Variants in INSR observed in about 807,000 individuals in gnomAD.
INSR encodes insulin receptor, also known as IR.
INSR carries 67 observed loss-of-function variants against 142.6 expected under a neutral mutation model. The ratio of observed to expected loss-of-function variants is 0.47; its 90% CI spans 0.39 to 0.58. The LOEUF (loss-of-function observed/expected upper bound fraction) is 0.58, where lower values mean the gene tolerates loss of function less well. INSR is among the 20% of genes least tolerant of loss of function. INSR has a pLI of 0.00. For synonymous variants in INSR, 756 were observed against 743.1 expected (o/e 1.02, Z -0.28); for missense variants, 1,248 against 1,833.2 (o/e 0.68, Z 5.83).
At chr19:7,137,285 C>T (rs1972954342) in intron 13 of INSR, among the ~76,000 whole-genome samples, 1 of 135,766 alleles carries the variant, frequency 7.4e-6, no homozygotes, top group South Asian at 2.5e-4. Context: ...AAAAAAAAAT[C>T]CCTCATGCCC....
At chr19:7,126,535 A>G in intron 16 of INSR, 49 bp downstream of exon 16, 2 of 1,471,030 alleles carry the variant, frequency 1.4e-6, no homozygotes, top group Non-Finnish European at 9.3e-7. Context: ...AGGCAAAGGA[A>G]GCTGATGAGT....
chr19:7,179,901 T>C (rs1182552787), intron 3 of INSR, among the ~76,000 whole-genome samples: 2 of 152,132 alleles, frequency 1.3e-5, no homozygotes, highest in Admixed American at 6.5e-5. Context: ...GGCTTGGCCA[T>C]ATGGCTTGCT....
At chr19:7,182,605 CT>C (rs1224517006) in intron 3 of INSR, among the ~76,000 whole-genome samples, 3 of 152,140 alleles carry the variant, frequency 2.0e-5, no homozygotes, top group Non-Finnish European at 4.4e-5. Context: ...ATGCACCCCC[CT>C]CTCCTTTGTT....
chr19:7,163,948 A>AAAAAAAAAAAAAAAAAAAAAAT lies in INSR; in HGVS notation c.1862-750_1862-749insATTTTTTTTTTTTTTTTTTTTT, dbSNP rs1411048837. Among the ~76,000 whole-genome samples, 41 of 136,068 alleles carry AAAAAAAAAAAAAAAAAAAAAAT rather than the reference A, an allele frequency of 3.0e-4. 3 individuals carry two copies. The highest frequency in any genetic ancestry group is 1.3e-3 in the African/African-American group (40 of 31,694). The allele number at this position is 136,068 out of a possible 152,430, so 89.3% of individuals were successfully genotyped here. A position where few individuals can be genotyped will look rare whatever the true frequency, so the allele number is the denominator to read the frequency against. ...ACTAAAAAAAAAAAAAAAAAAAAAA[A>AAAAAAAAAAAAAAAAAAAAAAT]ATTAGCTGGACATGGTGGTGGGCGC... is the stretch of plus-strand genomic sequence containing the variant. On this transcript the variant is annotated intron_variant, in intron 8 of 21. Coordinates refer to ENST00000302850, the MANE Select transcript of INSR (RefSeq NM_000208.4).
intron 1 of INSR, among the ~76,000 whole-genome samples, chr19:7,286,005 C>T (rs1396471284): frequency 6.6e-6 from 1 of 152,114 alleles, no homozygotes; most frequent in Non-Finnish European, 1.5e-5. Context: ...TGTTGTTACA[C>T]AGTCTCACTA....
intron 11 of INSR, among the ~76,000 whole-genome samples, chr19:7,149,947 AGGAAGGAAGGAAGG>A (rs2144881004): frequency 1.5e-4 from 1 of 6,614 alleles, no homozygotes; most frequent in South Asian, 7.9e-3. Context: ...GAAGGAAGGA[AGGAAGGAAGGAAGG>A]AAGGAAGGAA....
chr19:7,234,399 G>A (rs999195142), intron 2 of INSR, among the ~76,000 whole-genome samples: 3 of 151,990 alleles, frequency 2.0e-5, no homozygotes, highest in African/African-American at 4.8e-5. Context: ...TAGAGATGGG[G>A]GTCTCGCCAT....
chr19:7,148,954 C>T (rs1352500887), intron 11 of INSR, among the ~76,000 whole-genome samples: 1 of 149,986 alleles, frequency 6.7e-6, no homozygotes, highest in African/African-American at 2.5e-5. Context: ...GTCACCACGC[C>T]CGGCTAATTT....
chr19:7,190,989 T>C (rs62111416), intron 2 of INSR, among the ~76,000 whole-genome samples: 13,611 of 152,188 alleles, frequency 0.089, 649 homozygotes, highest in South Asian at 0.17. Context: ...TATACAATTA[T>C]TATTTGTCAA....
chr19:7,180,994 G>A (rs1163325583), intron 3 of INSR, among the ~76,000 whole-genome samples: 3 of 152,002 alleles, frequency 2.0e-5, no homozygotes, highest in African/African-American at 7.2e-5. Flanking sequence ...AGACTGCAGT[G>A]CAGTGGCACA....
At chr19:7,163,516 C>T (rs938051974) in intron 8 of INSR, among the ~76,000 whole-genome samples, 12 of 151,278 alleles carry the variant, frequency 7.9e-5, no homozygotes, top group South Asian at 4.2e-4. Context: ...GCCGAGATTG[C>T]GCCACTGCAC....
At chr19:7,240,790 C>CA (rs1248217330) in intron 2 of INSR, among the ~76,000 whole-genome samples, 1 of 152,000 alleles carries the variant, frequency 6.6e-6, no homozygotes, top group African/African-American at 2.4e-5. Context: ...GTTTCCCGCA[C>CA]AATATTACTG....
intron 2 of INSR, among the ~76,000 whole-genome samples, chr19:7,194,236 T>C (rs74875657): frequency 0.015 from 2,329 of 151,970 alleles, 60 homozygotes; most frequent in African/African-American, 0.053. Flanking sequence ...CTGGCCAACA[T>C]GGTGAAACAC....
Position 7,293,908 on chromosome 19 carries a change from G to A in INSR, c.-17C>T, listed in dbSNP as rs911979207. 6 of 1,208,430 alleles carry A rather than the reference G, an allele frequency of 5.0e-6. No homozygotes were observed. The Admixed American group carries it at 2.3e-4, about 46-fold the overall frequency. 74.9% of individuals were successfully genotyped at this position (1,208,430 alleles called of 1,614,324 possible). On this transcript the variant is annotated 5_prime_UTR_variant, in exon 1 of 22. Coordinates refer to ENST00000302850, the MANE Select transcript of INSR (RefSeq NM_000208.4). ...GGTGGCCATGGCTGCGGGAGCGCGGGGTCTCCTCGGATCAGAGCGCGCGGC... is the reference window on the plus strand; with the variant it reads ...GGTGGCCATGGCTGCGGGAGCGCGGAGTCTCCTCGGATCAGAGCGCGCGGC...
intron 14 of INSR, 136 bp downstream of exon 14, chr19:7,132,022 A>T: frequency 9.6e-7 from 1 of 1,046,828 alleles, no homozygotes; most frequent in Non-Finnish European, 1.5e-6. Context: ...GAGGGCAAGC[A>T]CCGCAGCAGC....
At chr19:7,256,931 C>CTTTTTTTTTTTTTTT (rs772500676) in intron 2 of INSR, among the ~76,000 whole-genome samples, 5 of 109,462 alleles carry the variant, frequency 4.6e-5, no homozygotes, top group Non-Finnish European at 7.1e-5. Flanking sequence ...TCTACCCTAC[C>CTTTTTTTTTTTTTTT]TTTTTTTTTT....
intron 17 of INSR, among the ~76,000 whole-genome samples, chr19:7,124,420 T>C (rs1332900124): frequency 4.9e-5 from 7 of 143,434 alleles, no homozygotes; most frequent in Non-Finnish European, 9.1e-5. Context: ...GCGCCTGTAG[T>C]CCCAGCTACT....
intron 2 of INSR, among the ~76,000 whole-genome samples, chr19:7,198,643 G>T (rs113876550): frequency 1.8e-4 from 28 of 152,152 alleles, no homozygotes; most frequent in African/African-American, 4.8e-4. Flanking sequence ...CACATTGCAG[G>T]GGGGGAGGGT....
intron 13 of INSR, among the ~76,000 whole-genome samples, chr19:7,139,571 A>G (rs945489790): frequency 2.6e-5 from 4 of 152,180 alleles, no homozygotes; most frequent in African/African-American, 9.7e-5. Context: ...CCAATTAAAA[A>G]CTAGCTGAGC....
Sources: gnomAD v4.1 joint callset for allele counts (sites outside exome capture counted in the v4.1 genomes callset) on GRCh38, gnomAD v4.1.1 for gene constraint, MANE v1.5 for transcripts, NCBI Gene and HGNC (gene_info 2026-07-23, HGNC 2026-07-21) for gene names.